Variants in PBK observed in about 807,000 individuals in gnomAD.
The protein encoded by PBK is lymphokine-activated killer T-cell-originated protein kinase.
In PBK, 22 loss-of-function variants were observed where a neutral mutation model predicts 33.5. The ratio of observed to expected loss-of-function variants is 0.66; its 90% CI spans 0.47 to 0.94. PBK has a LOEUF of 0.94. Ranked by LOEUF, PBK falls within the 40% of genes least tolerant of loss-of-function variation. PBK has a pLI of 0.00. For missense variants in PBK, 376 were observed against 383.4 expected (o/e 0.98, Z 0.16); for synonymous variants, 129 against 123.8 (o/e 1.04, Z -0.28).
At chr8:27,821,618 TACTTATAAATTGGTTA>T (rs1297057235) in intron 5 of PBK, among the ~76,000 whole-genome samples, 8 of 152,230 alleles carry the variant, frequency 5.3e-5, no homozygotes, top group African/African-American at 1.9e-4. Context: ...AAGTTAACTA[TACTTATAAATTGGTTA>T]ACTTGGTAAG....
In PBK at chr8:27,820,677, CT is replaced by C; in HGVS notation, c.482del (p.Lys161ArgfsTer8). 6.4e-7 allele frequency: 1 copy of C among 1,559,642 alleles called. No individual in the cohort carries two copies. Among genetic ancestry groups the C allele is most frequent in the Non-Finnish European group, 8.8e-7 (1 of 1,142,074 alleles). On this transcript the variant is annotated frameshift_variant, in exon 6 of 8. Coordinates refer to ENST00000301905, the MANE Select transcript of PBK (RefSeq NM_018492.4). LOFTEE classifies it high-confidence loss of function. Reference sequence around the variant, plus strand: ...ACTTTATGTCTCCATGAAGCAGTTTCTTTTCTTGGTGCAGATACTAAAATAG... The same window carrying C: ...ACTTTATGTCTCCATGAAGCAGTTTCTTTCTTGGTGCAGATACTAAAATAG... ...ARGLKYLHQE[K>X]KLLHGDIKSS...
intron 6 of PBK, among the ~76,000 whole-genome samples, chr8:27,811,526 T>G (rs1805683649): frequency 6.6e-6 from 1 of 152,150 alleles, no homozygotes; most frequent in South Asian, 2.1e-4. Flanking sequence ...AATATTAGGC[T>G]GAGAGAAGTA....
In PBK at chr8:27,822,506, A is replaced by G; in HGVS notation, c.296-18T>C. ...ACGATAACCTTAAAGAAAACATGAC[A>G]TTTCTTCACTAATATAGAGAAGAAC... On this transcript the variant is annotated intron_variant, in intron 4 of 7. Transcript: ENST00000301905. 1.3e-6 allele frequency: 2 copies of G among 1,540,570 alleles called. No individual in the cohort carries two copies. The highest frequency in any genetic ancestry group is 1.8e-6 in the Non-Finnish European group (2 of 1,129,326).
intron 3 of PBK, among the ~76,000 whole-genome samples, chr8:27,823,978 A>G (rs931647466): frequency 3.9e-4 from 59 of 152,154 alleles, no homozygotes; most frequent in African/African-American, 1.3e-3. Flanking sequence ...CAGAAAGTTT[A>G]ATGGTAAGAA....
At chr8:27,820,851 T>A (rs1805913144) in intron 5 of PBK, among the ~76,000 whole-genome samples, 157 bp from the exon 6 acceptor site, 1 of 148,834 alleles carries the variant, frequency 6.7e-6, no homozygotes, top group Admixed American at 6.8e-5. Context: ...TAAAACGGAG[T>A]CTCACTCTGT....
rs1195830620 is a variant in PBK, at chr8:27,828,155, A to G, written c.102T>C (p.Phe34=). 6.3e-7 allele frequency: 1 copy of G among 1,588,036 alleles called. No homozygotes were observed. The highest frequency in any genetic ancestry group is 8.6e-7 in the Non-Finnish European group (1 of 1,157,904). Residue 34 remains phenylalanine (F), a synonymous_variant, in exon 3 of 8, where the codon TTT becomes TTC. Transcript: ENST00000301905. ...TPTINIPASP[F]MQKLGFGTGV... is the part of the protein sequence containing the mutation. Reference sequence around the variant, plus strand: ...CAGTACCAAAGCCAAGCTTCTGCATAAACGGAGAGGCCGGGATATTTATAG... The same window carrying G: ...CAGTACCAAAGCCAAGCTTCTGCATGAACGGAGAGGCCGGGATATTTATAG...
chr8:27,810,010 C>G lies in PBK; in HGVS notation c.*295G>C, dbSNP rs1805638460. On this transcript the variant is annotated 3_prime_UTR_variant, in exon 8 of 8. Coordinates refer to ENST00000301905, the MANE Select transcript of PBK (RefSeq NM_018492.4). ...ATCATTAATAAAAGTAATGGTCATT[C>G]AATTTAATGTTACAGTTTACAGCGT... The G allele has an allele frequency of 3.2e-6, 1 of 312,554 alleles. No homozygotes were observed. Among genetic ancestry groups the G allele is most frequent in the African/African-American group, 2.2e-5 (1 of 44,928 alleles). 19.4% of individuals were successfully genotyped at this position (312,554 alleles called of 1,614,324 possible). A position where few individuals can be genotyped will look rare whatever the true frequency, so the allele number is the denominator to read the frequency against.
chr8:27,826,643 A>C (rs1806028891), intron 3 of PBK, among the ~76,000 whole-genome samples: 1 of 143,166 alleles, frequency 7.0e-6, no homozygotes, highest in Non-Finnish European at 1.5e-5. Context: ...AAAAATACAA[A>C]AAATTAGCCG....
chr8:27,831,714 G>A (rs1175733936), intron 2 of PBK, among the ~76,000 whole-genome samples: 2 of 152,118 alleles, frequency 1.3e-5, no homozygotes, highest in Non-Finnish European at 2.9e-5. Context: ...GACACTAGAA[G>A]GTTAATAAGG....
intron 3 of PBK, among the ~76,000 whole-genome samples, chr8:27,827,841 C>G (rs897384250): frequency 2.0e-5 from 3 of 152,198 alleles, no homozygotes; most frequent in African/African-American, 4.8e-5. Flanking sequence ...CCTGCCACTT[C>G]CCCTTCTTAT....
intron 6 of PBK, among the ~76,000 whole-genome samples, chr8:27,813,745 A>G (rs957983523): frequency 5.3e-5 from 8 of 152,192 alleles, no homozygotes; most frequent in Admixed American, 3.3e-4. Context: ...CCTAACGTAC[A>G]GCATAGTGAG....
At chr8:27,832,776 G>A (rs1216103923) in intron 2 of PBK, among the ~76,000 whole-genome samples, 3 of 152,202 alleles carry the variant, frequency 2.0e-5, no homozygotes, top group Non-Finnish European at 4.4e-5. Context: ...ATGTATGGAT[G>A]AGAGGGAGAA....
chr8:27,836,270 ATG>A (rs1328466336), intron 1 of PBK, among the ~76,000 whole-genome samples: 1 of 152,088 alleles, frequency 6.6e-6, no homozygotes, highest in Non-Finnish European at 1.5e-5. Flanking sequence ...AAGGGGGAGA[ATG>A]AGACAAAGTC....
At chr8:27,818,469 A>G (rs1392229343) in intron 6 of PBK, among the ~76,000 whole-genome samples, 1 of 152,226 alleles carries the variant, frequency 6.6e-6, no homozygotes, top group Non-Finnish European at 1.5e-5. Flanking sequence ...AACGTTTAAC[A>G]GATAATTTAC....
At chr8:27,829,760 G>A (rs557955968) in intron 2 of PBK, among the ~76,000 whole-genome samples, 1 of 151,908 alleles carries the variant, frequency 6.6e-6, no homozygotes, top group Non-Finnish European at 1.5e-5. Context: ...CCAGCTACTC[G>A]GGAGGCTGAG....
At position 27,824,136 on chromosome 8, in the gene PBK, C is replaced by T. The variant is rs142899270; in HGVS notation, c.153-931G>A. Reference sequence around the variant, plus strand: ...TCTTAATTCATGTACATCTATCATCCGTAAGTTGATCTAAACTATTCTTAA... The same window carrying T: ...TCTTAATTCATGTACATCTATCATCTGTAAGTTGATCTAAACTATTCTTAA... On this transcript the variant is annotated intron_variant, in intron 3 of 7. Coordinates refer to ENST00000301905, the MANE Select transcript of PBK (RefSeq NM_018492.4). 8.3e-4 allele frequency among the ~76,000 whole-genome samples: 126 copies of T among 152,120 alleles called. 1 individual carries two copies. In the East Asian group the frequency reaches 0.022, roughly 27 times the overall value.
At chr8:27,831,627 A>C (rs1461906649) in intron 2 of PBK, among the ~76,000 whole-genome samples, 1 of 152,108 alleles carries the variant, frequency 6.6e-6, no homozygotes, top group East Asian at 1.9e-4. Context: ...ATTCACCAAC[A>C]TACATAAACC....
chr8:27,817,158 C>T (rs1345016799), intron 6 of PBK, among the ~76,000 whole-genome samples: 5 of 152,132 alleles, frequency 3.3e-5, no homozygotes, highest in African/African-American at 1.2e-4. Flanking sequence ...GCTGCCAACA[C>T]ATTTCCCACA....
chr8:27,828,749 A>C (rs1449618662), intron 2 of PBK, among the ~76,000 whole-genome samples: 21 of 136,104 alleles, frequency 1.5e-4, no homozygotes, highest in African/African-American at 3.2e-4. Context: ...AGTCTCAAAA[A>C]AAAAAAAAAA....
Sources: gnomAD v4.1 joint callset for allele counts (sites outside exome capture counted in the v4.1 genomes callset) on GRCh38, gnomAD v4.1.1 for gene constraint, MANE v1.5 for transcripts, NCBI Gene and HGNC (gene_info 2026-07-23, HGNC 2026-07-21) for gene names.